The following ATRNL1 variants were observed in gnomAD, a reference collection of about 807,000 sequenced individuals.
ATRNL1 encodes the protein attractin like 1.
A neutral mutation model predicts 182.7 loss-of-function variants in ATRNL1; 95 were observed. The ratio of observed to expected loss-of-function variants is 0.52; its 90% CI spans 0.44 to 0.62. The LOEUF (loss-of-function observed/expected upper bound fraction) is 0.62. Among genes scored for constraint, ATRNL1 ranks in the 20% least tolerant of loss-of-function variants. ATRNL1 has a pLI of 0.00. For synonymous variants in ATRNL1, 576 were observed against 568.3 expected (o/e 1.01, Z -0.19); for missense variants, 1,471 against 1,679.5 (o/e 0.88, Z 2.17).
intron 26 of ATRNL1, among the ~76,000 whole-genome samples, chr10:115,673,753 G>T (rs1204174079): frequency 6.6e-6 from 1 of 152,020 alleles, no homozygotes; most frequent in African/African-American, 2.4e-5. Context: ...TAAACAGGTA[G>T]TCTTATTCCC....
intron 27 of ATRNL1, among the ~76,000 whole-genome samples, chr10:115,776,105 G>C (rs1369835254): frequency 2.0e-5 from 3 of 152,150 alleles, no homozygotes; most frequent in Non-Finnish European, 2.9e-5. Context: ...AATCTAGGCA[G>C]TTATCAAGGT....
chr10:115,456,306 A>G (rs192516734), intron 21 of ATRNL1, among the ~76,000 whole-genome samples: 30 of 152,344 alleles, frequency 2.0e-4, no homozygotes, highest in Admixed American at 7.8e-4. Context: ...ATGCAGCCAT[A>G]ATAAAGAATG....
At chr10:115,937,476 A>G (rs1953595891) in intron 28 of ATRNL1, among the ~76,000 whole-genome samples, 1 of 152,228 alleles carries the variant, frequency 6.6e-6, no homozygotes, top group African/African-American at 2.4e-5. Flanking sequence ...TTTGCCTAAT[A>G]ATGACTTCAC....
At chr10:115,761,096 C>A (rs1169185289) in intron 27 of ATRNL1, among the ~76,000 whole-genome samples, 1 of 94,472 alleles carries the variant, frequency 1.1e-5, no homozygotes, top group African/African-American at 3.6e-5. Context: ...AAAGACTGCA[C>A]TGTTGGAGCT....
At chr10:115,834,044 C>G (rs548878647) in intron 27 of ATRNL1, among the ~76,000 whole-genome samples, 2 of 152,266 alleles carry the variant, frequency 1.3e-5, no homozygotes, top group Non-Finnish European at 2.9e-5. Flanking sequence ...TGCTATACCT[C>G]AATGGAATGC....
At chr10:115,199,057 G>A (rs1554891707) in intron 8 of ATRNL1, among the ~76,000 whole-genome samples, 4 of 151,968 alleles carry the variant, frequency 2.6e-5, no homozygotes. Context: ...TTGAGAGTGT[G>A]GTAGGGATTG....
At chr10:115,748,676 A>G (rs1240027688) in intron 27 of ATRNL1, among the ~76,000 whole-genome samples, 4 of 151,860 alleles carry the variant, frequency 2.6e-5, no homozygotes, top group Non-Finnish European at 5.9e-5. Context: ...AGCATGACCA[A>G]TGTTCATAGT....
At position 115,200,863 on chromosome 10, in the gene ATRNL1, A is replaced by G. The variant is rs1448919142; in HGVS notation, c.1349-14834A>G. ...CCACCAACAGTGTAAAAGTGTTCCT[A>G]TTTCTCCACATCCTCTCCAGCACCT... On this transcript the variant is annotated intron_variant, in intron 8 of 28. Coordinates refer to ENST00000355044, the MANE Select transcript of ATRNL1 (RefSeq NM_207303.4). 7.4e-5 allele frequency among the ~76,000 whole-genome samples: 11 copies of G among 148,884 alleles called. No homozygotes were observed. The South Asian group carries it at 1.5e-3, about 21-fold the overall frequency.
intron 26 of ATRNL1, among the ~76,000 whole-genome samples, chr10:115,716,437 A>G (rs1555056340): frequency 6.6e-6 from 1 of 152,180 alleles, no homozygotes; most frequent in East Asian, 1.9e-4. Flanking sequence ...CTTCAAAATT[A>G]TAGTCATAAA....
chr10:115,878,886 G>A (rs561626770), intron 28 of ATRNL1, among the ~76,000 whole-genome samples: 20 of 152,248 alleles, frequency 1.3e-4, no homozygotes, highest in African/African-American at 4.8e-4. Flanking sequence ...TTTGATTGGA[G>A]AATTGAGAGA....
At chr10:115,450,786 A>G (rs1554967488) in intron 21 of ATRNL1, among the ~76,000 whole-genome samples, 1 of 152,204 alleles carries the variant, frequency 6.6e-6, no homozygotes, top group Non-Finnish European at 1.5e-5. Context: ...TTTAAACTTC[A>G]TATGGAACCC....
chr10:115,630,782 A>C (rs1026603437), intron 26 of ATRNL1, among the ~76,000 whole-genome samples: 4 of 147,274 alleles, frequency 2.7e-5, no homozygotes, highest in Admixed American at 2.1e-4. Flanking sequence ...TTTAATAGAT[A>C]TGTATTGTAC....
In ATRNL1 at chr10:115,548,783, C is replaced by T. The variant is rs139561212; in HGVS notation, c.3717-675C>T. On this transcript the variant is annotated intron_variant, in intron 25 of 28. Coordinates refer to ENST00000355044, the MANE Select transcript of ATRNL1 (RefSeq NM_207303.4). ...AGCATATGCCAGGGTTTCTCAGCCT[C>T]GGTACTACTGACATTTTGTATTGCT... 2.6e-3 allele frequency among the ~76,000 whole-genome samples: 394 copies of T among 152,228 alleles called. 1 individual carries two copies. Among genetic ancestry groups the T allele is most frequent in the African/African-American group, 8.8e-3 (365 of 41,554 alleles).
At chr10:115,184,916 T>A (rs1388667940) in intron 8 of ATRNL1, among the ~76,000 whole-genome samples, 2 of 151,952 alleles carry the variant, frequency 1.3e-5, no homozygotes, top group Non-Finnish European at 2.9e-5. Context: ...TGCAAACAAA[T>A]CTTTGAGGTT....
At chr10:115,530,459 A>C (rs1256905086) in intron 25 of ATRNL1, among the ~76,000 whole-genome samples, 1 of 152,190 alleles carries the variant, frequency 6.6e-6, no homozygotes, top group Non-Finnish European at 1.5e-5. Context: ...AGAGGAATTA[A>C]AAATGAAAGA....
chr10:115,355,814 T>G (rs1160220113), intron 19 of ATRNL1, among the ~76,000 whole-genome samples: 4 of 152,104 alleles, frequency 2.6e-5, no homozygotes, highest in Admixed American at 2.6e-4. Flanking sequence ...CTGTTATGTT[T>G]TTAGTTCATT....
At chr10:115,728,131 A>AG (rs1947664484) in intron 27 of ATRNL1, among the ~76,000 whole-genome samples, 1 of 59,498 alleles carries the variant, frequency 1.7e-5, no homozygotes, top group Non-Finnish European at 4.6e-5. Context: ...AAAAAAAGAA[A>AG]AAAAAAAAAA....
chr10:115,786,142 T>G (rs1829578945), intron 27 of ATRNL1, among the ~76,000 whole-genome samples: 1 of 152,206 alleles, frequency 6.6e-6, no homozygotes, highest in Admixed American at 6.5e-5. Flanking sequence ...TTTCTACTAA[T>G]ATTCTTTTTA....
chr10:115,849,766 G>A (rs1437300328), intron 28 of ATRNL1, among the ~76,000 whole-genome samples: 1 of 152,172 alleles, frequency 6.6e-6, no homozygotes, highest in African/African-American at 2.4e-5. Flanking sequence ...TAATTGGGGA[G>A]AGGGGATACT....
Sources: gnomAD v4.1 joint callset for allele counts (sites outside exome capture counted in the v4.1 genomes callset) on GRCh38, gnomAD v4.1.1 for gene constraint, MANE v1.5 for transcripts, NCBI Gene and HGNC (gene_info 2026-07-23, HGNC 2026-07-21) for gene names.